PRR5L: variants seen among roughly 807,000 people sequenced by gnomAD.
The protein encoded by PRR5L is proline-rich protein 5-like.
PRR5L carries 21 observed loss-of-function variants against 36.4 expected under a neutral mutation model. That is an observed-to-expected ratio of 0.58 (90% CI 0.41 to 0.83). The LOEUF (loss-of-function observed/expected upper bound fraction) is 0.83, where lower values mean the gene tolerates loss of function less well. Ranked by LOEUF, PRR5L falls within the 40% of genes least tolerant of loss-of-function variation. PRR5L has a pLI of 0.00. For synonymous variants in PRR5L, 188 were observed against 197.0 expected, an observed-to-expected ratio of 0.95 and a Z score of 0.38; for missense variants, 381 against 473.3, an observed-to-expected ratio of 0.80 and a Z score of 1.81.
chr11:36,422,754 C>T (rs1831623029), intron 4 of PRR5L, among the ~76,000 whole-genome samples: 1 of 152,110 alleles, frequency 6.6e-6, no homozygotes, highest in South Asian at 2.1e-4. Flanking sequence ...TGCAGAAGCC[C>T]AGCTACACGT....
intron 1 of PRR5L, among the ~76,000 whole-genome samples, chr11:36,368,921 CCAAT>C (rs1391896945): frequency 6.6e-6 from 1 of 152,038 alleles, no homozygotes; most frequent in African/African-American, 2.4e-5. Context: ...CTTAGGGTCC[CCAAT>C]CACTTTAAAG....
intron 1 of PRR5L, among the ~76,000 whole-genome samples, chr11:36,353,353 C>T: frequency 6.6e-6 from 1 of 152,196 alleles, no homozygotes; most frequent in South Asian, 2.1e-4. Flanking sequence ...TCAAAGAAAA[C>T]CAGAAAATTG....
chr11:36,337,950 C>T (rs1460063255), intron 1 of PRR5L, among the ~76,000 whole-genome samples: 2 of 152,230 alleles, frequency 1.3e-5, no homozygotes, highest in Admixed American at 6.5e-5. Flanking sequence ...CTTTTCCTTT[C>T]ATCATCTTTA....
chr11:36,450,081 C>T (rs890962376), intron 7 of PRR5L, among the ~76,000 whole-genome samples: 1 of 152,108 alleles, frequency 6.6e-6, no homozygotes, highest in African/African-American at 2.4e-5. Context: ...CCTGGCCGCA[C>T]CCATCTCAGT....
At chr11:36,318,078 T>C (rs1590436086) in intron 1 of PRR5L, among the ~76,000 whole-genome samples, 2 of 152,246 alleles carry the variant, frequency 1.3e-5, no homozygotes, top group South Asian at 4.1e-4. Context: ...TACACAAATA[T>C]TTACCATTGT....
chr11:36,383,085 C>T (rs1218741602), intron 1 of PRR5L, among the ~76,000 whole-genome samples: 2 of 152,182 alleles, frequency 1.3e-5, no homozygotes, highest in East Asian at 1.9e-4. Context: ...ATGCTCTGAA[C>T]CAGAAACTCT....
chr11:36,334,966 C>A (rs148921481), intron 1 of PRR5L, among the ~76,000 whole-genome samples: 3 of 151,598 alleles, frequency 2.0e-5, no homozygotes, highest in Non-Finnish European at 2.9e-5. Context: ...AACACTCACT[C>A]ACCCACTAAT....
intron 4 of PRR5L, among the ~76,000 whole-genome samples, chr11:36,420,799 T>C (rs10836557): frequency 0.99 from 149,501 of 151,712 alleles, 73,706 homozygotes; most frequent in South Asian, 1. Flanking sequence ...TAAACTTTTA[T>C]GTGCACTTTA....
chr11:36,386,880 T>G (rs1857466803), intron 1 of PRR5L, among the ~76,000 whole-genome samples: 1 of 152,226 alleles, frequency 6.6e-6, no homozygotes, highest in African/African-American at 2.4e-5. Flanking sequence ...TGATGATAGT[T>G]AATATTATTC....
intron 5 of PRR5L, among the ~76,000 whole-genome samples, chr11:36,432,626 T>G (rs551243947): frequency 1.3e-5 from 2 of 152,290 alleles, no homozygotes; most frequent in South Asian, 4.1e-4. Context: ...TTTATCATTT[T>G]TGAAGTGATA....
At position 36,404,897 on chromosome 11, in the gene PRR5L, CA is replaced by C. The variant is rs1449911052; in HGVS notation, c.245+1520del. On this transcript the variant is annotated intron_variant, in intron 3 of 8. Transcript: ENST00000530639. ...ACTGAGGCCCCAAGAAGTTGAGTGACAGGGGCAAAGTGGGGTCAGCCAACAC... is the reference window on the plus strand; with the variant it reads ...ACTGAGGCCCCAAGAAGTTGAGTGACGGGGCAAAGTGGGGTCAGCCAACAC... Among the ~76,000 whole-genome samples, 6 of 152,140 alleles carry C rather than the reference CA, an allele frequency of 3.9e-5. No homozygotes were observed. The East Asian group carries it at 9.6e-4, about 24-fold the overall frequency.
At chr11:36,403,037 G>C (rs1564937720) in intron 2 of PRR5L, among the ~76,000 whole-genome samples, 5 of 152,214 alleles carry the variant, frequency 3.3e-5, no homozygotes, top group Non-Finnish European at 7.3e-5. Context: ...TTTGACTGTG[G>C]CTGCACCAGC....
chr11:36,446,097 C>T (rs1032807840), intron 6 of PRR5L, among the ~76,000 whole-genome samples: 2 of 152,160 alleles, frequency 1.3e-5, no homozygotes, highest in African/African-American at 4.8e-5. Flanking sequence ...TTTAGGTAGG[C>T]AGGTTGAGTC....
At chr11:36,390,126 G>A (rs974684091) in intron 1 of PRR5L, among the ~76,000 whole-genome samples, 3 of 152,274 alleles carry the variant, frequency 2.0e-5, no homozygotes, top group African/African-American at 7.2e-5. Flanking sequence ...GGCAGATTAT[G>A]ACAAGACGAC....
At chr11:36,418,761 A>C (rs1329177550) in intron 3 of PRR5L, among the ~76,000 whole-genome samples, 5 of 152,158 alleles carry the variant, frequency 3.3e-5, no homozygotes, top group African/African-American at 1.2e-4. Flanking sequence ...GCGCCACTGC[A>C]CTCCAGCCTG....
chr11:36,434,197 C>T (rs751965406), intron 5 of PRR5L, among the ~76,000 whole-genome samples: 7 of 152,176 alleles, frequency 4.6e-5, no homozygotes, highest in Non-Finnish European at 8.8e-5. Context: ...CTGGCATATT[C>T]TCTGAGTCTC....
chr11:36,411,135 C>T (rs898661597), intron 3 of PRR5L, among the ~76,000 whole-genome samples: 17 of 152,182 alleles, frequency 1.1e-4, no homozygotes, highest in African/African-American at 2.9e-4. Flanking sequence ...GGACAAGCAG[C>T]GGGATTTTGC....
At chr11:36,399,418 G>A (rs1013905697) in intron 1 of PRR5L, among the ~76,000 whole-genome samples, 1 of 152,106 alleles carries the variant, frequency 6.6e-6, no homozygotes, top group Non-Finnish European at 1.5e-5. Flanking sequence ...GTGCCCTCTC[G>A]ATGGCTTGCC....
At chr11:36,323,015 A>G (rs552915627) in intron 1 of PRR5L, among the ~76,000 whole-genome samples, 3 of 152,312 alleles carry the variant, frequency 2.0e-5, no homozygotes, top group African/African-American at 7.2e-5. Context: ...TCTCTAGAGC[A>G]TATCCCTGTG....
Sources: gnomAD v4.1 joint callset for allele counts (sites outside exome capture counted in the v4.1 genomes callset) on GRCh38, gnomAD v4.1.1 for gene constraint, MANE v1.5 for transcripts, NCBI Gene and HGNC (gene_info 2026-07-23, HGNC 2026-07-21) for gene names.